SEL1L3: variants seen among roughly 807,000 people sequenced by gnomAD.
The protein encoded by SEL1L3 is SEL1L family member 3, also known as protein sel-1 homolog 3.
SEL1L3 carries 76 observed loss-of-function variants against 142.8 expected under a neutral mutation model. The ratio of observed to expected loss-of-function variants is 0.53; its 90% CI spans 0.44 to 0.64. The LOEUF is 0.64. Among genes scored for constraint, SEL1L3 ranks in the 30% least tolerant of loss-of-function variants. The pLI is 0.00. For missense variants in SEL1L3, 1,262 were observed against 1,381.7 expected, an observed-to-expected ratio of 0.91 and a Z score of 1.37; for synonymous variants, 504 against 519.6, an observed-to-expected ratio of 0.97 and a Z score of 0.41.
intron 1 of SEL1L3, among the ~76,000 whole-genome samples, chr4:25,854,468 G>A (rs1016574218): frequency 6.6e-6 from 1 of 152,030 alleles, no homozygotes; most frequent in African/African-American, 2.4e-5. Flanking sequence ...AGTAGAGACC[G>A]AGTTTCACCA....
intron 2 of SEL1L3, among the ~76,000 whole-genome samples, chr4:25,835,873 T>C (rs556642003): frequency 1.3e-5 from 2 of 152,366 alleles, no homozygotes; most frequent in East Asian, 3.9e-4. Context: ...ACCGGCAATA[T>C]GCTAAGCCCA....
chr4:25,737,216 C>G, the SEL1L3 span, among the ~76,000 whole-genome samples: 1 of 152,158 alleles, frequency 6.6e-6, no homozygotes, highest in South Asian at 2.1e-4. Context: ...AACTCCTGAC[C>G]TTGTGAACTG....
chr4:25,717,855 A>C, the SEL1L3 span, among the ~76,000 whole-genome samples: 1 of 152,180 alleles, frequency 6.6e-6, no homozygotes, highest in African/African-American at 2.4e-5. Context: ...AGATTAACTA[A>C]GATAAAGGTT....
chr4:25,756,965 T>A (rs1718007309), intron 23 of SEL1L3: 1 of 1,220,146 alleles, frequency 8.2e-7, no homozygotes, highest in Admixed American at 2.7e-5. Context: ...TTAGGCTTTT[T>A]AAAGAAAGTC....
intron 1 of SEL1L3, chr4:25,860,471 T>C (rs1419426764): frequency 6.6e-6 from 1 of 152,238 alleles, no homozygotes; most frequent in Non-Finnish European, 1.5e-5. Flanking sequence ...ATTTACATTT[T>C]CCCCAATTCT....
chr4:25,767,378 T>A, intron 19 of SEL1L3, 147 bp downstream of exon 19: 1 of 627,502 alleles, frequency 1.6e-6, no homozygotes, highest in East Asian at 2.8e-5. Flanking sequence ...GAGAGCAGAG[T>A]TTAGCGATCT....
chr4:25,736,242 T>TGTGTGTGTGTGTGTGTGA, the SEL1L3 span, among the ~76,000 whole-genome samples: 5 of 150,442 alleles, frequency 3.3e-5, no homozygotes, highest in Admixed American at 6.7e-5. Flanking sequence ...TGTGTGTGTG[T>TGTGTGTGTGTGTGTGTGA]GATGGAGTTT....
At chr4:25,739,828 A>G in the SEL1L3 span, among the ~76,000 whole-genome samples, 5 of 152,012 alleles carry the variant, frequency 3.3e-5, no homozygotes, top group African/African-American at 1.2e-4. Context: ...ATATAAGCGT[A>G]CATTCACACA....
intron 23 of SEL1L3, among the ~76,000 whole-genome samples, chr4:25,752,020 A>T (rs567025606): frequency 6.7e-6 from 1 of 150,356 alleles, no homozygotes; most frequent in South Asian, 2.1e-4. Flanking sequence ...GAGGCAGGAG[A>T]ATCGCTTGAA....
chr4:25,859,389 C>T (rs1577709189), intron 1 of SEL1L3, among the ~76,000 whole-genome samples: 1 of 152,204 alleles, frequency 6.6e-6, no homozygotes, highest in Admixed American at 6.5e-5. Flanking sequence ...ACTTATCTTT[C>T]AGCCCTCATC....
the SEL1L3 span, among the ~76,000 whole-genome samples, chr4:25,736,351 G>A: frequency 6.6e-6 from 1 of 151,810 alleles, no homozygotes; most frequent in African/African-American, 2.4e-5. Flanking sequence ...AGCCTCCTCA[G>A]TAGGTGGGAT....
intron 1 of SEL1L3, among the ~76,000 whole-genome samples, chr4:25,850,240 G>C (rs551518764): frequency 6.6e-6 from 1 of 152,240 alleles, no homozygotes; most frequent in South Asian, 2.1e-4. Context: ...CTGTACAAGG[G>C]GGTGGTGTCT....
At chr4:25,840,056 G>A (rs925617893) in intron 2 of SEL1L3, among the ~76,000 whole-genome samples, 2 of 152,204 alleles carry the variant, frequency 1.3e-5, no homozygotes, top group African/African-American at 4.8e-5. Flanking sequence ...GCATAGCAAA[G>A]TCAAAAGAAT....
intron 6 of SEL1L3, among the ~76,000 whole-genome samples, chr4:25,823,222 A>C (rs919619275): frequency 6.6e-6 from 1 of 152,168 alleles, no homozygotes; most frequent in African/African-American, 2.4e-5. Flanking sequence ...ACCTATTAAG[A>C]ATTTAAAATA....
chr4:25,807,648 C>A (rs1280559619), intron 9 of SEL1L3, among the ~76,000 whole-genome samples: 1 of 152,044 alleles, frequency 6.6e-6, no homozygotes, highest in African/African-American at 2.4e-5. Flanking sequence ...GCCAGAGTAC[C>A]CGTGGACCCG....
the SEL1L3 span, among the ~76,000 whole-genome samples, chr4:25,726,388 C>CGTG: frequency 6.6e-6 from 1 of 151,900 alleles, no homozygotes; most frequent in Non-Finnish European, 1.5e-5. Flanking sequence ...ATTAGCTGTG[C>CGTG]GTGGTGGTGT....
At chr4:25,834,557 C>G (rs1270183323) in intron 3 of SEL1L3, among the ~76,000 whole-genome samples, 1 of 152,160 alleles carries the variant, frequency 6.6e-6, no homozygotes, top group Non-Finnish European at 1.5e-5. Flanking sequence ...GATATGCAAA[C>G]AGATGGTGCC....
Position 25,818,548 on chromosome 4 carries a change from C to A in SEL1L3, c.1424-270G>T, listed in dbSNP as rs936972028. Among the ~76,000 whole-genome samples the A allele has an allele frequency of 2.0e-5, 3 of 152,118 alleles. No individual in the cohort carries two copies. In the South Asian group the frequency reaches 6.2e-4, roughly 32 times the overall value. On this transcript the variant is annotated intron_variant, in intron 8 of 23. Transcript: ENST00000399878. ...TGGCCTCTGACCGGTCCCCAGGAGGCCAATATCTAGGCCATTTTTTGGCAT... is the reference window on the plus strand; with the variant it reads ...TGGCCTCTGACCGGTCCCCAGGAGGACAATATCTAGGCCATTTTTTGGCAT...
intron 11 of SEL1L3, among the ~76,000 whole-genome samples, chr4:25,796,437 G>GA (rs902363284): frequency 8.9e-5 from 13 of 146,008 alleles, no homozygotes; most frequent in East Asian, 4.0e-4. Context: ...TCAAATTAAA[G>GA]AAAAAAAAAA....
Sources: gnomAD v4.1 joint callset for allele counts (sites outside exome capture counted in the v4.1 genomes callset) on GRCh38, gnomAD v4.1.1 for gene constraint, MANE v1.5 for transcripts, NCBI Gene and HGNC (gene_info 2026-07-23, HGNC 2026-07-21) for gene names.